Variants in ABCC9 observed in about 807,000 individuals in gnomAD.
ABCC9 encodes ATP-binding cassette sub-family C member 9.
ABCC9 carries 95 observed loss-of-function variants against 188.3 expected under a neutral mutation model. The ratio of observed to expected loss-of-function variants is 0.50; its 90% CI spans 0.43 to 0.60. The LOEUF (loss-of-function observed/expected upper bound fraction) is 0.60, where lower values mean the gene tolerates loss of function less well. Ranked by LOEUF, ABCC9 falls within the 20% of genes least tolerant of loss-of-function variation. The pLI is 0.00. For synonymous variants in ABCC9, 659 were observed against 652.7 expected (o/e 1.01, Z -0.15); for missense variants, 1,102 against 1,876.3 (o/e 0.59, Z 7.62).
At chr12:21,842,557 T>C in intron 28 of ABCC9, 86 bp from the exon 29 acceptor site, 1 of 1,376,826 alleles carries the variant, frequency 7.3e-7, no homozygotes, top group Non-Finnish European at 1.0e-6. Flanking sequence ...TTTATGTTGA[T>C]AGTTACACAG....
intron 21 of ABCC9, among the ~76,000 whole-genome samples, chr12:21,859,873 T>A (rs1042720854): frequency 6.6e-6 from 1 of 152,182 alleles, no homozygotes; most frequent in Non-Finnish European, 1.5e-5. Flanking sequence ...CAGGCTGATA[T>A]GGTTAATCTT....
intron 5 of ABCC9, among the ~76,000 whole-genome samples, chr12:21,919,950 A>C (rs1260153952): frequency 6.6e-6 from 1 of 152,036 alleles, no homozygotes; most frequent in East Asian, 1.9e-4. Flanking sequence ...ACTTTATTTG[A>C]AAAACAGATC....
intron 5 of ABCC9, among the ~76,000 whole-genome samples, chr12:21,922,796 G>A (rs1409316145): frequency 7.2e-5 from 8 of 110,610 alleles, no homozygotes; most frequent in Admixed American, 5.6e-4. Flanking sequence ...ATTCTAAACT[G>A]TATATAGAAA....
chr12:21,925,348 G>C, intron 5 of ABCC9: 1 of 554,752 alleles, frequency 1.8e-6, no homozygotes. Flanking sequence ...AGCAAGAGAG[G>C]CTAATAAAAC....
intron 15 of ABCC9, among the ~76,000 whole-genome samples, chr12:21,883,630 C>T (rs1234604189): frequency 6.6e-6 from 1 of 152,124 alleles, no homozygotes; most frequent in East Asian, 1.9e-4. Flanking sequence ...TTCTCTGAAT[C>T]ATGAGGATTT....
rs766637703 is a variant in ABCC9, at chr12:21,910,983, T to C, written c.1012-5A>G. On this transcript the variant is annotated splice_region_variant and splice_polypyrimidine_tract_variant and intron_variant, in intron 8 of 39. Transcript: ENST00000261200. ...TGATGAGAGGGTTTCTGAAATCTGGTCCCCAAAGAAAAAAAGTGTCATATT... is the reference window on the plus strand; with the variant it reads ...TGATGAGAGGGTTTCTGAAATCTGGCCCCCAAAGAAAAAAAGTGTCATATT... The C allele has an allele frequency of 6.2e-7, 1 of 1,611,594 alleles. No homozygotes were observed. Among genetic ancestry groups the C allele is most frequent in the East Asian group, 2.2e-5 (1 of 44,788 alleles).
rs1239458641 is a variant in ABCC9, at chr12:21,800,055, A to G, written c.*989T>C. On this transcript the variant is annotated 3_prime_UTR_variant, in exon 40 of 40. Coordinates refer to ENST00000261200, the MANE Select transcript of ABCC9 (RefSeq NM_020297.4). ...CTAGAAGAGGTAAACTCTTTCAGCT[A>G]GAAATAGACACTTGTTTTATATATA... The G allele has an allele frequency of 6.6e-6, 1 of 152,214 alleles. No individual in the cohort carries two copies. The highest frequency in any genetic ancestry group is 1.5e-5 in the Non-Finnish European group (1 of 68,032). 9.4% of individuals were successfully genotyped at this position (152,214 alleles called of 1,614,324 possible). A position where few individuals can be genotyped will look rare whatever the true frequency, so the allele number is the denominator to read the frequency against.
At chr12:21,918,144 G>A (rs1948674308) in intron 5 of ABCC9, among the ~76,000 whole-genome samples, 1 of 151,960 alleles carries the variant, frequency 6.6e-6, no homozygotes, top group Admixed American at 6.6e-5. Context: ...TTAAGCGTAA[G>A]AAATTTGGAG....
At chr12:21,808,800 GAAAA>G (rs888169107) in intron 37 of ABCC9, among the ~76,000 whole-genome samples, 3 of 126,838 alleles carry the variant, frequency 2.4e-5, no homozygotes, top group Admixed American at 7.7e-5. Context: ...AAAAAAAAAA[GAAAA>G]AATCATTATG....
intron 21 of ABCC9, 138 bp downstream of exon 21, chr12:21,860,833 G>A (rs1945467412): frequency 1.4e-6 from 1 of 701,402 alleles, no homozygotes; most frequent in Non-Finnish European, 2.5e-6. Flanking sequence ...CCCATCCTTG[G>A]TTTTCTGGAA....
chr12:21,910,389 A>G, intron 9 of ABCC9, 77 bp from the exon 10 acceptor site: 1 of 1,396,498 alleles, frequency 7.2e-7, no homozygotes, highest in Non-Finnish European at 9.8e-7. Context: ...CTGAAAATAA[A>G]TAACAAACAT....
At chr12:21,865,387 C>CAA (rs1388276158) in intron 18 of ABCC9, among the ~76,000 whole-genome samples, 1 of 152,086 alleles carries the variant, frequency 6.6e-6, no homozygotes, top group Non-Finnish European at 1.5e-5. Context: ...AAGGCAACCT[C>CAA]AGACTAAAAA....
At chr12:21,898,264 ACT>A (rs1947522419) in intron 12 of ABCC9, among the ~76,000 whole-genome samples, 1 of 152,186 alleles carries the variant, frequency 6.6e-6, no homozygotes, top group Non-Finnish European at 1.5e-5. Flanking sequence ...GGCTAAGTAT[ACT>A]CTCAATATAT....
At chr12:21,824,696 G>A (rs745762071) in intron 31 of ABCC9, among the ~76,000 whole-genome samples, 8 of 152,148 alleles carry the variant, frequency 5.3e-5, no homozygotes, top group African/African-American at 1.4e-4. Context: ...TCAGGGATTC[G>A]ACTTCTTCCT....
chr12:21,900,351 G>T lies in ABCC9; in HGVS notation c.1619-5036C>A, dbSNP rs139755482. 1.9e-3 allele frequency among the ~76,000 whole-genome samples: 283 copies of T among 152,226 alleles called. 1 individual carries two copies. The highest frequency in any genetic ancestry group is 6.3e-3 in the African/African-American group (261 of 41,536). On this transcript the variant is annotated intron_variant, in intron 12 of 39. Transcript: ENST00000261200. Reference sequence around the variant, plus strand: ...GACCAAAGGTAGATAAAACCACAAAGATGGGGAAAAAAACAGAGCAGAAAA... The same window carrying T: ...GACCAAAGGTAGATAAAACCACAAATATGGGGAAAAAAACAGAGCAGAAAA...
chr12:21,858,391 T>G (rs1246766257), intron 22 of ABCC9, among the ~76,000 whole-genome samples: 1 of 151,496 alleles, frequency 6.6e-6, no homozygotes, highest in East Asian at 1.9e-4. Context: ...CTGACCAATA[T>G]GGTGAAACCC....
chr12:21,851,493 G>A (rs1355243541), intron 24 of ABCC9, among the ~76,000 whole-genome samples: 2 of 152,026 alleles, frequency 1.3e-5, no homozygotes, highest in Non-Finnish European at 2.9e-5. Flanking sequence ...ATATTTCTTT[G>A]CTTATTTGTC....
intron 26 of ABCC9, 75 bp downstream of exon 26, chr12:21,845,528 A>G (rs1592053558): frequency 8.5e-7 from 1 of 1,175,228 alleles, no homozygotes; most frequent in Non-Finnish European, 1.3e-6. Context: ...ATAAGCATCT[A>G]ACTAGATAAG....
At chr12:21,806,634 TTCTC>T (rs1941866567) in intron 38 of ABCC9, among the ~76,000 whole-genome samples, 1 of 152,168 alleles carries the variant, frequency 6.6e-6, no homozygotes, top group African/African-American at 2.4e-5. Context: ...TTAATTCATA[TTCTC>T]TCTCTCTTCT....
Sources: gnomAD v4.1 joint callset for allele counts (sites outside exome capture counted in the v4.1 genomes callset) on GRCh38, gnomAD v4.1.1 for gene constraint, MANE v1.5 for transcripts, NCBI Gene and HGNC (gene_info 2026-07-23, HGNC 2026-07-21) for gene names.